Variants in TSPAN11 observed in about 807,000 individuals in gnomAD.
TSPAN11 encodes tetraspanin 11.
In TSPAN11, 29 loss-of-function variants were observed where a neutral mutation model predicts 32.9. The observed-to-expected ratio is 0.88, with a 90% confidence interval of 0.66 to 1.20. The LOEUF (loss-of-function observed/expected upper bound fraction) is 1.20. TSPAN11 is among the 50% of genes most tolerant of loss of function. TSPAN11 has a pLI of 0.00. For synonymous variants in TSPAN11, 140 were observed against 141.3 expected (o/e 0.99, Z 0.07); for missense variants, 283 against 329.1 (o/e 0.86, Z 1.08).
chr12:31,012,063 C>T, the TSPAN11 span, among the ~76,000 whole-genome samples: 1 of 152,250 alleles, frequency 6.6e-6, no homozygotes. Flanking sequence ...GCTCACCTAA[C>T]ACAGCCTCTT....
rs748359977 is a variant in TSPAN11 at position 30,963,767 on chromosome 12, C to G, written c.85-59C>G. Reference sequence around the variant, plus strand: ...TGCCTGGCACCCTGTGGGCACTGAACGGATAGCAGCTGCCGAGGCCCCCGC... The same window carrying G: ...TGCCTGGCACCCTGTGGGCACTGAAGGGATAGCAGCTGCCGAGGCCCCCGC... On this transcript the variant is annotated intron_variant, in intron 2 of 7. Transcript: ENST00000546076. 156 of 1,558,406 alleles carry G rather than the reference C, an allele frequency of 1.0e-4. No individual in the cohort carries two copies. In the African/African-American group the frequency reaches 1.7e-3, roughly 17 times the overall value.
chr12:31,003,087 G>A, the TSPAN11 span, among the ~76,000 whole-genome samples: 1 of 152,362 alleles, frequency 6.6e-6, no homozygotes, highest in East Asian at 1.9e-4. Context: ...GGGACTTTCT[G>A]AGACAAGTTT....
At chr12:30,987,338 C>T (rs1373790236) in intron 7 of TSPAN11, among the ~76,000 whole-genome samples, 2 of 152,160 alleles carry the variant, frequency 1.3e-5, no homozygotes, top group Admixed American at 1.3e-4. Context: ...AGCTTTAAAA[C>T]TACCCCAGGC....
chr12:31,004,129 G>A, the TSPAN11 span, among the ~76,000 whole-genome samples: 1 of 152,186 alleles, frequency 6.6e-6, no homozygotes, highest in African/African-American at 2.4e-5. Flanking sequence ...CCAGCGACAT[G>A]CACTGGATCC....
chr12:30,989,326 G>A (rs981743577), intron 7 of TSPAN11, among the ~76,000 whole-genome samples: 3 of 152,148 alleles, frequency 2.0e-5, no homozygotes, highest in South Asian at 2.1e-4. Flanking sequence ...GAAGGAGCCC[G>A]ATAGGCAATG....
chr12:30,937,073 A>C lies in TSPAN11; in HGVS notation c.-12+10277A>C, dbSNP rs186517376. Among the ~76,000 whole-genome samples, 261 of 152,360 alleles carry C rather than the reference A, an allele frequency of 1.7e-3. 1 individual carries two copies. The highest frequency in any genetic ancestry group is 5.4e-3 in the African/African-American group (223 of 41,584). On this transcript the variant is annotated intron_variant, in intron 1 of 7. Transcript: ENST00000546076. Reference sequence around the variant, plus strand: ...ACCAGCAGTGGGGAGAGAAGGCTTCAAAAGAAGATGTGACCAACTTTTCAA... The same window carrying C: ...ACCAGCAGTGGGGAGAGAAGGCTTCCAAAGAAGATGTGACCAACTTTTCAA...
At position 30,962,416 on chromosome 12, in the gene TSPAN11, TG is replaced by T. The variant is rs1418358436; in HGVS notation, c.85-1407del. Among the ~76,000 whole-genome samples the T allele has an allele frequency of 7.2e-5, 11 of 152,222 alleles. 1 individual carries two copies. The highest frequency in any genetic ancestry group is 2.0e-4 in the Admixed American group (3 of 15,286). ...AATTCTAAAACTCATGGTGTAATCTTGGGCACAGTCTTATTCTCTTCAAGCC... is the reference window on the plus strand; with the variant it reads ...AATTCTAAAACTCATGGTGTAATCTTGGCACAGTCTTATTCTCTTCAAGCC... On this transcript the variant is annotated intron_variant, in intron 2 of 7. Coordinates refer to ENST00000546076, the MANE Select transcript of TSPAN11 (RefSeq NM_001370302.1).
chr12:30,961,227 C>G (rs550491813), intron 2 of TSPAN11, among the ~76,000 whole-genome samples: 6 of 151,772 alleles, frequency 4.0e-5, no homozygotes, highest in Non-Finnish European at 8.8e-5. Flanking sequence ...AGTTTCCAGG[C>G]GGCTTGAGTG....
the TSPAN11 span, among the ~76,000 whole-genome samples, chr12:31,002,086 T>C: frequency 6.6e-6 from 1 of 151,356 alleles, no homozygotes; most frequent in Admixed American, 6.6e-5. This position sits in a 1 kb window ranked among gnomAD's most constrained non-coding sequence, Gnocchi z 4.8. Flanking sequence ...GTCCACATCC[T>C]GCAGCCACTG....
chr12:30,979,416 G>A, intron 4 of TSPAN11, 150 bp from the exon 5 acceptor site: 1 of 694,174 alleles, frequency 1.4e-6, no homozygotes, highest in Non-Finnish European at 2.5e-6. Flanking sequence ...CTGGCTGATG[G>A]TCCCTTACGC....
At chr12:30,984,273 C>T (rs1017524596) in intron 7 of TSPAN11, among the ~76,000 whole-genome samples, 10 of 152,250 alleles carry the variant, frequency 6.6e-5, no homozygotes, top group Admixed American at 5.9e-4. Context: ...CCAGTCCTGG[C>T]TTTGCTCCTA....
At chr12:30,930,937 A>G (rs946320061) in intron 1 of TSPAN11, among the ~76,000 whole-genome samples, 1 of 152,206 alleles carries the variant, frequency 6.6e-6, no homozygotes, top group Admixed American at 6.5e-5. Flanking sequence ...TGCCCTGCAC[A>G]CATACAAGCA....
downstream of TSPAN11, among the ~76,000 whole-genome samples, chr12:31,000,630 C>T (rs1939468521): frequency 6.6e-6 from 1 of 152,224 alleles, no homozygotes; most frequent in Non-Finnish European, 1.5e-5. Flanking sequence ...AACTCCCAAA[C>T]CAGTGCCCTT....
At chr12:30,974,710 T>C (rs925854553) in intron 3 of TSPAN11, among the ~76,000 whole-genome samples, 5 of 152,196 alleles carry the variant, frequency 3.3e-5, no homozygotes, top group African/African-American at 1.2e-4. Context: ...CTCACAGTCA[T>C]GCTAGGGGAC....
At chr12:30,946,531 C>T (rs1938270248) in intron 1 of TSPAN11, among the ~76,000 whole-genome samples, 1 of 152,168 alleles carries the variant, frequency 6.6e-6, no homozygotes, top group Non-Finnish European at 1.5e-5. Context: ...GTTACCCAAT[C>T]AAACTCCATC....
At chr12:31,007,012 G>C in the TSPAN11 span, among the ~76,000 whole-genome samples, 1 of 152,142 alleles carries the variant, frequency 6.6e-6, no homozygotes, top group African/African-American at 2.4e-5. Flanking sequence ...GCCCATAGCC[G>C]TTCATAGCTG....
intron 1 of TSPAN11, among the ~76,000 whole-genome samples, chr12:30,951,634 G>C (rs1406922205): frequency 6.6e-6 from 1 of 152,200 alleles, no homozygotes; most frequent in Non-Finnish European, 1.5e-5. Flanking sequence ...AAAGCACTTA[G>C]TTCTGTACCT....
the TSPAN11 span, among the ~76,000 whole-genome samples, chr12:31,013,629 G>A: frequency 1.3e-5 from 1 of 79,736 alleles, no homozygotes; most frequent in East Asian, 4.6e-4. Context: ...ACAAAACGAG[G>A]GAGCATCCCA....
intron 1 of TSPAN11, among the ~76,000 whole-genome samples, chr12:30,936,781 A>G (rs1261592781): frequency 1.3e-5 from 2 of 152,204 alleles, no homozygotes; most frequent in African/African-American, 4.8e-5. Context: ...ATGAGCCTGG[A>G]GCCCAGCAGG....
Sources: gnomAD v4.1 joint callset for allele counts (sites outside exome capture counted in the v4.1 genomes callset) on GRCh38, gnomAD v4.1.1 for gene constraint, Gnocchi (gnomAD v3.1) non-coding constraint, MANE v1.5 for transcripts, NCBI Gene and HGNC (gene_info 2026-07-23, HGNC 2026-07-21) for gene names.